NOP14: variants seen among roughly 807,000 people sequenced by gnomAD.
The protein encoded by NOP14 is NOP14 nucleolar protein.
In NOP14, 57 loss-of-function variants were observed where a neutral mutation model predicts 101.6. The ratio of observed to expected loss-of-function variants is 0.56; its 90% CI spans 0.45 to 0.70. The LOEUF (loss-of-function observed/expected upper bound fraction) is 0.70. NOP14 is among the 30% of genes least tolerant of loss of function. The pLI, the probability that NOP14 is intolerant of heterozygous loss-of-function variation, is 0.00. For missense variants in NOP14, 1,134 were observed against 1,075.5 expected (o/e 1.05, Z -0.76); for synonymous variants, 428 against 424.0 (o/e 1.01, Z -0.12).
At position 2,941,654 on chromosome 4, in the gene NOP14, G is replaced by A. The variant is rs145217204; in HGVS notation, c.2127C>T (p.His709=). 3.1e-5 allele frequency: 50 copies of A among 1,613,392 alleles called. No individual in the cohort carries two copies. The highest frequency in any genetic ancestry group is 3.9e-5 in the Non-Finnish European group (46 of 1,179,936). The change falls in exon 15 of 18, where the codon CAC becomes CAT. Residue 709 remains histidine, a synonymous_variant. Coordinates refer to ENST00000416614, the MANE Select transcript of NOP14 (RefSeq NM_001291978.2). ...GGGCTTGGAGAGGCCCCATGATGGC[G>A]TGGAAGGATGGCAGGGACCCGTACA... The part of the protein sequence containing the change: ...VLMYGSLPSF[H]AIMGPLQALL...
chr4:2,959,761 C>T (rs1002829014), intron 1 of NOP14, among the ~76,000 whole-genome samples: 2 of 152,188 alleles, frequency 1.3e-5, no homozygotes, highest in African/African-American at 4.8e-5. Context: ...CTGCTGGATG[C>T]TGATAGTGAA....
At chr4:2,946,597 C>T (rs1560299551) in intron 10 of NOP14, 50 bp from the exon 11 acceptor site, 2 of 1,591,604 alleles carry the variant, frequency 1.3e-6, no homozygotes, top group South Asian at 1.1e-5. Context: ...AGATAAGAAA[C>T]ACAGAAAAGC....
At position 2,948,289 on chromosome 4, in the gene NOP14, C is replaced by T; in HGVS notation, c.1402G>A (p.Ala468Thr). 6.2e-7 allele frequency: 1 copy of T among 1,601,698 alleles called. No individual in the cohort carries two copies. Residue 468 changes from alanine (A) to threonine (T), a missense_variant, in exon 9 of 18, where the codon GCA (alanine) becomes ACA (threonine). Physicochemically the swap from Ala to Thr is moderately conservative, Grantham distance 58. Transcript: ENST00000416614. ...NHPSLAEGNK[A>T]KLEKLFGFLL... The stretch of plus-strand genomic sequence containing the variant: ...CTCAATCCACGTACTTCTAATTTTG[C>T]TTTGTTTCCTTCTGCGAGACTCGGG...
At position 2,938,739 on chromosome 4, in the gene NOP14, C is replaced by A; in HGVS notation, c.*92G>T. On this transcript the variant is annotated 3_prime_UTR_variant, in exon 18 of 18. Coordinates refer to ENST00000416614, the MANE Select transcript of NOP14 (RefSeq NM_001291978.2). ...CCCAGGCTGGTCTCGAACTCCTGGG[C>A]TGAAGCAATCTTCCTGCCTTGGCCT... 1 of 1,044,978 alleles carries A rather than the reference C, an allele frequency of 9.6e-7. No individual in the cohort carries two copies. Among genetic ancestry groups the A allele is most frequent in the Non-Finnish European group, 1.4e-6 (1 of 692,224 alleles). The allele number at this position is 1,044,978 out of a possible 1,614,324, so 64.7% of individuals were successfully genotyped here.
At chr4:2,949,310 C>G (rs376335224) in intron 8 of NOP14, among the ~76,000 whole-genome samples, 3 of 152,224 alleles carry the variant, frequency 2.0e-5, no homozygotes, top group East Asian at 1.9e-4. Context: ...CTCAAGTGAT[C>G]CTCCCACCTC....
Position 2,939,073 on chromosome 4 carries a change from C to T in NOP14, c.2474+115G>A, listed in dbSNP as rs537877158. On this transcript the variant is annotated intron_variant, in intron 17 of 17. Transcript: ENST00000416614. ...GGGAAGTGAACCTGCCTGGCTCCAA[C>T]CCCCAGCCAGAGCCAAGGCTGTGGG... 66 of 1,531,326 alleles carry T rather than the reference C, an allele frequency of 4.3e-5. No individual in the cohort carries two copies. The East Asian group carries it at 1.0e-3, about 24-fold the overall frequency. 94.9% of individuals were successfully genotyped at this position (1,531,326 alleles called of 1,614,324 possible).
rs766772910 is a variant in NOP14 at position 2,954,416 on chromosome 4, T to C, written c.612+8A>G. 1.2e-6 allele frequency: 2 copies of C among 1,613,910 alleles called. No homozygotes were observed. The highest frequency in any genetic ancestry group is 1.7e-6 in the Non-Finnish European group (2 of 1,179,852). On this transcript the variant is annotated splice_region_variant and intron_variant, in intron 4 of 17. Coordinates refer to ENST00000416614, the MANE Select transcript of NOP14 (RefSeq NM_001291978.2). ...GGAGAAGATGATCAAGAACACTCAC[T>C]AACCCACCTTCTCTTGTTTTGACTT...
intron 13 of NOP14, 112 bp downstream of exon 13, chr4:2,943,961 T>C: frequency 6.0e-6 from 5 of 838,542 alleles, no homozygotes; most frequent in South Asian, 1.8e-5. Flanking sequence ...GGTGGCAGGT[T>C]GTGTGTTTCC....
rs1715363688 is a variant in NOP14, at chr4:2,956,663, G to C, written c.472+7C>G. 3 of 1,610,402 alleles carry C rather than the reference G, an allele frequency of 1.9e-6. No individual in the cohort carries two copies. The highest frequency in any genetic ancestry group is 1.6e-4 in the Middle Eastern group (1 of 6,062). On this transcript the variant is annotated splice_region_variant and intron_variant, in intron 3 of 17. Coordinates refer to ENST00000416614, the MANE Select transcript of NOP14 (RefSeq NM_001291978.2). ...CCACAGGCCCGTGCACAGCACCCCA[G>C]CCTCACCAGACAACGTTCCTCGATC...
rs553681576 is a variant in NOP14, at chr4:2,949,402, G to A, written c.1282+532C>T. ...ATATTTTTGGTAGAGACGAGGTTTC[G>A]CAATGTTGCCCAGGCTGGTCTCAAA... On this transcript the variant is annotated intron_variant, in intron 8 of 17. Coordinates refer to ENST00000416614, the MANE Select transcript of NOP14 (RefSeq NM_001291978.2). Among the ~76,000 whole-genome samples, 9 of 152,060 alleles carry A rather than the reference G, an allele frequency of 5.9e-5. No homozygotes were observed. The South Asian group carries it at 1.9e-3, about 32-fold the overall frequency.
rs184398419 is a variant in NOP14 at position 2,942,366 on chromosome 4, C to G, written c.1892-15G>C. The stretch of plus-strand genomic sequence containing the variant: ...CAGAGTGGAACCTGAATTCCAAGTG[C>G]GACAGGACAGAGATGGCCTGAACAT... On this transcript the variant is annotated splice_polypyrimidine_tract_variant and intron_variant, in intron 13 of 17. Transcript: ENST00000416614. 1 of 1,611,148 alleles carries G rather than the reference C, an allele frequency of 6.2e-7. No individual in the cohort carries two copies. The highest frequency in any genetic ancestry group is 8.5e-7 in the Non-Finnish European group (1 of 1,177,800).
chr4:2,945,282 A>G (rs1211379963), intron 11 of NOP14, 53 bp from the exon 12 acceptor site: 30 of 1,332,408 alleles, frequency 2.3e-5, no homozygotes, highest in South Asian at 8.8e-5. Context: ...GTCCATCCAT[A>G]TGCCCTCCCC....
At chr4:2,943,241 T>C (rs1714356161) in intron 13 of NOP14, among the ~76,000 whole-genome samples, 1 of 152,232 alleles carries the variant, frequency 6.6e-6, no homozygotes, top group Non-Finnish European at 1.5e-5. Flanking sequence ...GGGACTCTGC[T>C]GGTGGTGTGA....
At position 2,954,457 on chromosome 4, in the gene NOP14, A is replaced by G; in HGVS notation, c.579T>C (p.Ile193=). The G allele has an allele frequency of 6.2e-7, 1 of 1,614,168 alleles. No individual in the cohort carries two copies. Among genetic ancestry groups the G allele is most frequent in the Non-Finnish European group, 8.5e-7 (1 of 1,180,000 alleles). ...REKPKSRKEL[I]EELIAKSKQE... ...GTTTTGACTTGGCAATGAGCTCTTC[A>G]ATCAGCTCTTTCCGGGACTTCGGTT... Residue 193 remains isoleucine (I), a synonymous_variant, in exon 4 of 18, where the codon ATT becomes ATC. Coordinates refer to ENST00000416614, the MANE Select transcript of NOP14 (RefSeq NM_001291978.2).
At chr4:2,950,896 G>T in intron 7 of NOP14, 2 of 464,768 alleles carry the variant, frequency 4.3e-6, no homozygotes, top group South Asian at 6.2e-5. Context: ...GAGTGAGAAA[G>T]AGAGCGTGAG....
chr4:2,939,527 A>C lies in NOP14; in HGVS notation c.2318T>G (p.Val773Gly), dbSNP rs777329158. The change falls in exon 16 of 18, where the codon GTC becomes GGC. Residue 773 changes from valine (V) to glycine (G), a missense_variant and splice_region_variant. Transcript: ENST00000416614. ...LKLFTPRLVKVLEFGRKQGSS... is the reference protein window; with the variant it reads ...LKLFTPRLVKGLEFGRKQGSS... Reference sequence around the variant, plus strand: ...CCAGGGAGATGCTGCCAGCACCCACACTTTGACCAGCCGGGGTGTGAAAAG... The same window carrying C: ...CCAGGGAGATGCTGCCAGCACCCACCCTTTGACCAGCCGGGGTGTGAAAAG... The C allele has an allele frequency of 6.2e-7, 1 of 1,613,308 alleles. No individual in the cohort carries two copies. The highest frequency in any genetic ancestry group is 8.5e-7 in the Non-Finnish European group (1 of 1,179,664).
chr4:2,952,337 T>TA lies in NOP14; in HGVS notation c.807dup (p.Asn270Ter). On this transcript the variant is annotated frameshift_variant, in exon 6 of 18. Coordinates refer to ENST00000416614, the MANE Select transcript of NOP14 (RefSeq NM_001291978.2). LOFTEE classifies it high-confidence loss of function. ...AATTCTGCCTCCGTCTTCATCCTGT[T>TA]AGAGGGCTGCGCCTTCATTTCAAAG... is the stretch of plus-strand genomic sequence containing the variant. 6.2e-7 allele frequency: 1 copy of TA among 1,613,790 alleles called. No individual in the cohort carries two copies. Among genetic ancestry groups the TA allele is most frequent in the South Asian group, 1.1e-5 (1 of 91,038 alleles).
chr4:2,948,259 A>C lies in NOP14; in HGVS notation c.1413+19T>G, dbSNP rs765012892. 5.0e-6 allele frequency: 8 copies of C among 1,589,280 alleles called. No homozygotes were observed. The African/African-American group carries it at 9.6e-5, about 19-fold the overall frequency. ...TATGCTGACACTCCCAGCGCTCCAC[A>C]CACACTCAATCCACGTACTTCTAAT... On this transcript the variant is annotated intron_variant, in intron 9 of 17. Coordinates refer to ENST00000416614, the MANE Select transcript of NOP14 (RefSeq NM_001291978.2).
chr4:2,954,483 TCTCCCGCTC>T lies in NOP14; in HGVS notation c.544_552del (p.Glu182_Glu184del), dbSNP rs746841654. On this transcript the variant is annotated inframe_deletion, in exon 4 of 18. Transcript: ENST00000416614. ...ATCAGCTCTTTCCGGGACTTCGGTT[TCTCCCGCTC>T]CTCGCCTTCCTGTTGAGTCTTCTTG... The T allele has an allele frequency of 2.2e-5, 36 of 1,614,052 alleles. No individual in the cohort carries two copies. Among genetic ancestry groups the T allele is most frequent in the Non-Finnish European group, 2.9e-5 (34 of 1,180,036 alleles).
Sources: allele counts gnomAD v4.1 joint callset (sites outside exome capture counted in the v4.1 genomes callset), GRCh38; gene constraint gnomAD v4.1.1; transcripts MANE v1.5; gene names NCBI Gene and HGNC (gene_info 2026-07-23, HGNC 2026-07-21).